The following GRID2 variants were observed in gnomAD, a reference collection of about 807,000 sequenced individuals.
The protein encoded by GRID2 is glutamate receptor ionotropic, delta-2.
A neutral mutation model predicts 114.8 loss-of-function variants in GRID2; 33 were observed. The observed-to-expected ratio is 0.29, with a 90% CI of 0.22 to 0.38. GRID2 has a LOEUF of 0.38. Ranked by LOEUF, GRID2 falls within the 10% of genes least tolerant of loss-of-function variation. The pLI, the probability that GRID2 is intolerant of heterozygous loss-of-function variation, is 1.00. For synonymous variants in GRID2, 505 were observed against 449.9 expected, an observed-to-expected ratio of 1.12 and a Z score of -1.55; for missense variants, 1,184 against 1,257.7, an observed-to-expected ratio of 0.94 and a Z score of 0.89.
At chr4:93,325,015 G>C (rs1318985054) in intron 8 of GRID2, among the ~76,000 whole-genome samples, 1 of 151,988 alleles carries the variant, frequency 6.6e-6, no homozygotes, top group Non-Finnish European at 1.5e-5. Flanking sequence ...TTTTTGAAGG[G>C]TTTTTTGTGT....
intron 10 of GRID2, among the ~76,000 whole-genome samples, chr4:93,450,628 A>G (rs961093530): frequency 5.9e-5 from 9 of 151,854 alleles, no homozygotes; most frequent in African/African-American, 2.2e-4. Context: ...GCTCCATTGT[A>G]TCATCCATCC....
chr4:92,919,447 G>A (rs529248430), intron 2 of GRID2, among the ~76,000 whole-genome samples: 8 of 152,202 alleles, frequency 5.3e-5, no homozygotes, highest in Admixed American at 2.0e-4. Flanking sequence ...TGATGTTAGG[G>A]TGTCAATTTT....
In GRID2 at chr4:92,663,968, G is replaced by T. The variant is rs571950900; in HGVS notation, c.244+73682G>T. On this transcript the variant is annotated intron_variant, in intron 2 of 15. Coordinates refer to ENST00000282020, the MANE Select transcript of GRID2 (RefSeq NM_001510.4). Reference sequence around the variant, plus strand: ...TTCGTCCATGTTGTAGCATATGTCAGAATATTTCCTCTATTTAAGATGGAA... The same window carrying T: ...TTCGTCCATGTTGTAGCATATGTCATAATATTTCCTCTATTTAAGATGGAA... 2.6e-5 allele frequency among the ~76,000 whole-genome samples: 4 copies of T among 151,198 alleles called. No homozygotes were observed. The South Asian group carries it at 8.3e-4, about 31-fold the overall frequency.
chr4:92,579,600 C>A (rs564381183), intron 1 of GRID2, among the ~76,000 whole-genome samples: 248 of 152,022 alleles, frequency 1.6e-3, no homozygotes, highest in African/African-American at 5.7e-3. Flanking sequence ...AGTCCTATAT[C>A]ATGTATGTTT....
At chr4:93,223,630 A>G (rs1420445783) in intron 6 of GRID2, among the ~76,000 whole-genome samples, 2 of 152,150 alleles carry the variant, frequency 1.3e-5, no homozygotes, top group African/African-American at 4.8e-5. Flanking sequence ...TGAAAAACAC[A>G]AATGCTTTAA....
intron 1 of GRID2, among the ~76,000 whole-genome samples, chr4:92,572,107 A>T (rs1294189109): frequency 7.2e-5 from 11 of 152,162 alleles, no homozygotes; most frequent in Non-Finnish European, 1.6e-4. Context: ...TGGTTTTTTG[A>T]AAAGATCAAC....
At chr4:93,535,236 A>G (rs1297297002) in intron 13 of GRID2, among the ~76,000 whole-genome samples, 4 of 83,198 alleles carry the variant, frequency 4.8e-5, no homozygotes. Context: ...ACACATACAC[A>G]CACACACACA....
chr4:92,358,990 AC>A (rs1728476910), intron 1 of GRID2, among the ~76,000 whole-genome samples: 1 of 152,000 alleles, frequency 6.6e-6, no homozygotes, highest in South Asian at 2.1e-4. Flanking sequence ...AGAAAGCCTT[AC>A]ATAGGCAACA....
intron 2 of GRID2, among the ~76,000 whole-genome samples, chr4:93,083,424 G>A (rs1254168254): frequency 2.0e-5 from 3 of 151,968 alleles, no homozygotes; most frequent in Non-Finnish European, 4.4e-5. Flanking sequence ...GCCAGGCACG[G>A]TGGCTCACAC....
chr4:93,630,116 C>A (rs1255972530), intron 14 of GRID2, among the ~76,000 whole-genome samples: 1 of 152,100 alleles, frequency 6.6e-6, no homozygotes, highest in Admixed American at 6.6e-5. Context: ...ATAGAAATGG[C>A]TAGAAGAGTT....
At chr4:92,348,241 G>A (rs1727880402) in intron 1 of GRID2, among the ~76,000 whole-genome samples, 1 of 152,186 alleles carries the variant, frequency 6.6e-6, no homozygotes, top group Non-Finnish European at 1.5e-5. Flanking sequence ...GTAGGGATTA[G>A]TCATGAGCCA....
chr4:92,844,081 GATAA>G (rs1235715763), intron 2 of GRID2, among the ~76,000 whole-genome samples: 1 of 152,100 alleles, frequency 6.6e-6, no homozygotes, highest in East Asian at 1.9e-4. Flanking sequence ...GACTGTGGTA[GATAA>G]ATTTTTCAAA....
At chr4:92,383,354 A>G (rs571451948) in intron 1 of GRID2, among the ~76,000 whole-genome samples, 211 of 152,160 alleles carry the variant, frequency 1.4e-3, no homozygotes, top group African/African-American at 4.6e-3. Flanking sequence ...GTTTCTAAGT[A>G]TTGTAATTCC....
intron 1 of GRID2, among the ~76,000 whole-genome samples, chr4:92,449,701 A>ATG: frequency 7.0e-6 from 1 of 142,676 alleles, no homozygotes; most frequent in Non-Finnish European, 1.5e-5. Flanking sequence ...ATATATATAT[A>ATG]TATATATATA....
At chr4:93,316,703 A>T (rs1756697726) in intron 8 of GRID2, among the ~76,000 whole-genome samples, 1 of 152,142 alleles carries the variant, frequency 6.6e-6, no homozygotes, top group Non-Finnish European at 1.5e-5. Context: ...CATGTGATTC[A>T]TTAGTTTAGA....
chr4:92,764,713 G>A lies in GRID2; in HGVS notation c.244+174427G>A, dbSNP rs368163909. Among the ~76,000 whole-genome samples the A allele has an allele frequency of 1.6e-4, 25 of 152,188 alleles. No individual in the cohort carries two copies. The East Asian group carries it at 4.6e-3, about 28-fold the overall frequency. On this transcript the variant is annotated intron_variant, in intron 2 of 15. Coordinates refer to ENST00000282020, the MANE Select transcript of GRID2 (RefSeq NM_001510.4). ...TCTAAGGCTTTAAAAGACATGAGCA[G>A]GATCCATGTCTTCTTTTCCCATCAT... is the stretch of plus-strand genomic sequence containing the variant.
intron 8 of GRID2, among the ~76,000 whole-genome samples, chr4:93,354,247 A>G (rs928450199): frequency 3.9e-5 from 6 of 152,036 alleles, no homozygotes; most frequent in African/African-American, 1.4e-4. Flanking sequence ...GTTTTCGTTG[A>G]ATTCATGTTG....
intron 2 of GRID2, among the ~76,000 whole-genome samples, chr4:93,001,785 T>C (rs1721014945): frequency 6.6e-6 from 1 of 151,752 alleles, no homozygotes; most frequent in Admixed American, 6.6e-5. Context: ...CTAGTCTCAA[T>C]GCATTAACAA....
At chr4:92,421,922 T>G (rs996262614) in intron 1 of GRID2, among the ~76,000 whole-genome samples, 2 of 152,126 alleles carry the variant, frequency 1.3e-5, no homozygotes, top group Admixed American at 1.3e-4. Context: ...CCTCGCTTCT[T>G]GCAGTTACAT....
Sources: gnomAD v4.1 joint callset for allele counts (sites outside exome capture counted in the v4.1 genomes callset) on GRCh38, gnomAD v4.1.1 for gene constraint, MANE v1.5 for transcripts, NCBI Gene and HGNC (gene_info 2026-07-23, HGNC 2026-07-21) for gene names.